The following NIFK variants were observed in gnomAD, a reference collection of about 807,000 sequenced individuals.
NIFK encodes the protein nucleolar protein interacting with the FHA domain of MKI67.
A neutral mutation model predicts 31.7 loss-of-function variants in NIFK; 16 were observed. That is an observed-to-expected ratio of 0.50 (90% confidence interval 0.34 to 0.77). NIFK has a LOEUF of 0.77. NIFK is among the 30% of genes least tolerant of loss of function. The pLI is 0.01. For missense variants in NIFK, 341 were observed against 350.4 expected (o/e 0.97, Z 0.21); for synonymous variants, 126 against 123.0 (o/e 1.02, Z -0.16).
Position 121,731,031 on chromosome 2 carries a change from T to C in NIFK, c.426A>G (p.Ser142=), listed in dbSNP as rs188620840. ...KDWNIPFKQP[S]YPSVKRYNRN... ...GATTATACCGTTTCACTGATGGATATGATGGCTGCTTAAATGGAATATTCC... is the reference window on the plus strand; with the variant it reads ...GATTATACCGTTTCACTGATGGATACGATGGCTGCTTAAATGGAATATTCC... The change falls in exon 4 of 7, where the codon TCA becomes TCG. Residue 142 remains serine, a synonymous_variant. Coordinates refer to ENST00000285814, the MANE Select transcript of NIFK (RefSeq NM_032390.5). 7 of 1,613,324 alleles carry C rather than the reference T, an allele frequency of 4.3e-6. No homozygotes were observed. Among genetic ancestry groups the C allele is most frequent in the Non-Finnish European group, 5.9e-6 (7 of 1,179,286 alleles).
At position 121,727,832 on chromosome 2, in the gene NIFK, A is replaced by G. The variant is rs2074502581; in HGVS notation, c.774T>C (p.Asp258=). ...TGGGCTGTTTGAAAACTATTTCATC[A>G]TCTTTATCATCATCATTCAGTTCAG... The part of the protein sequence containing the change: ...QVAELNDDDK[D]DEIVFKQPIS... Residue 258 remains aspartate (D), a synonymous_variant, in exon 7 of 7, where the codon GAT becomes GAC. Coordinates refer to ENST00000285814, the MANE Select transcript of NIFK (RefSeq NM_032390.5). The G allele has an allele frequency of 6.2e-7, 1 of 1,612,798 alleles. No homozygotes were observed. Among genetic ancestry groups the G allele is most frequent in the East Asian group, 2.2e-5 (1 of 44,834 alleles).
In NIFK at chr2:121,731,073, T is replaced by C. The variant is rs769802046; in HGVS notation, c.384A>G (p.Lys128=). Residue 128 remains lysine, a synonymous_variant, in exon 4 of 7, where the codon AAA becomes AAG. Transcript: ENST00000285814. The part of the protein sequence containing the change: ...CHFMPPEKVH[K]ELFKDWNIPF... ...GAATATTCCAGTCTTTAAAGAGTTC[T>C]TTATGTACTTTTTCAGGTGGCATAA... 19 of 1,588,798 alleles carry C rather than the reference T, an allele frequency of 1.2e-5. No homozygotes were observed. The Admixed American group carries it at 2.8e-4, about 23-fold the overall frequency.
intron 6 of NIFK, 73 bp downstream of exon 6, chr2:121,728,215 A>G (rs538205854): frequency 9.6e-6 from 9 of 941,494 alleles, no homozygotes; most frequent in Admixed American, 2.5e-5. Flanking sequence ...AAATGAGAGT[A>G]GCAGAAACTG....
At chr2:121,728,597 T>A in intron 4 of NIFK, 61 bp from the exon 5 acceptor site, 1 of 904,566 alleles carries the variant, frequency 1.1e-6, no homozygotes, top group South Asian at 1.5e-5. Context: ...TAGCATTAGA[T>A]CCTCATATAT....
chr2:121,734,278 A>G (rs1031302334), intron 2 of NIFK, among the ~76,000 whole-genome samples: 2 of 152,094 alleles, frequency 1.3e-5, no homozygotes, highest in South Asian at 2.1e-4. Context: ...CTAATGTTCA[A>G]TAGGAGGGTG....
chr2:121,732,243 A>C (rs2074546764), intron 2 of NIFK, 39 bp from the exon 3 acceptor site: 1 of 1,177,646 alleles, frequency 8.5e-7, no homozygotes, highest in African/African-American at 1.5e-5. Flanking sequence ...AGAACAATTA[A>C]ATTTGAATGC....
Position 121,728,362 on chromosome 2 carries a change from A to G in NIFK, c.625-6T>C. The G allele has an allele frequency of 6.3e-7, 1 of 1,582,186 alleles. No individual in the cohort carries two copies. ...TTCTTCTTCTTACGTAAAACCTTAA[A>G]ATAAATTTTAAAACACATCAATTTG... On this transcript the variant is annotated splice_polypyrimidine_tract_variant and splice_region_variant and intron_variant, in intron 5 of 6. Transcript: ENST00000285814.
chr2:121,730,563 G>A (rs2074530940), intron 4 of NIFK: 1 of 226,324 alleles, frequency 4.4e-6, no homozygotes, highest in East Asian at 1.2e-4. Context: ...TCAAAAAACT[G>A]GCTGGGCACG....
chr2:121,735,876 T>C, intron 1 of NIFK, 126 bp from the exon 2 acceptor site: 1 of 742,942 alleles, frequency 1.3e-6, no homozygotes. Flanking sequence ...ATTAAAGAAC[T>C]GGCTGTTTAG....
At chr2:121,731,360 A>G (rs1263308936) in intron 3 of NIFK, among the ~76,000 whole-genome samples, 1 of 152,118 alleles carries the variant, frequency 6.6e-6, no homozygotes, top group Non-Finnish European at 1.5e-5. Flanking sequence ...TTGCCTCCCA[A>G]GGGCAGCAGG....
At chr2:121,727,979 A>G in intron 6 of NIFK, 67 bp from the exon 7 acceptor site, 1 of 1,371,882 alleles carries the variant, frequency 7.3e-7, no homozygotes, top group Non-Finnish European at 9.9e-7. Flanking sequence ...ACCCAAAAAT[A>G]TCATCTCTCC....
At chr2:121,736,641 G>A (rs751471724) in intron 1 of NIFK, 105 bp downstream of exon 1, 1 of 924,764 alleles carries the variant, frequency 1.1e-6, no homozygotes, top group Non-Finnish European at 1.8e-6. Context: ...ATGAAGGCGA[G>A]CACGAAGGCA....
rs201317100 is a variant in NIFK at position 121,730,940 on chromosome 2, T to C, written c.517A>G (p.Arg173Gly). ...ATTCCTTTTTTAGCTAATTTCTTCC[T>C]GAGTAATCTTTCTTTCTTTTTAAAT... The part of the protein sequence containing the change: ...ERFKKKERLL[R>G]KKLAKKGIDY... The change falls in exon 4 of 7, where the codon AGG becomes GGG. Residue 173 changes from arginine to glycine, a missense_variant. By Grantham distance (125) the Arg-to-Gly change is moderately radical (BLOSUM62 -2). Transcript: ENST00000285814. The C allele has an allele frequency of 1.6e-5, 26 of 1,613,104 alleles. No individual in the cohort carries two copies. The highest frequency in any genetic ancestry group is 4.0e-5 in the African/African-American group (3 of 75,034).
rs1054743461 is a variant in NIFK, at chr2:121,727,772, T to C, written c.834A>G (p.Gln278=). 4.4e-6 allele frequency: 7 copies of C among 1,607,086 alleles called. No individual in the cohort carries two copies. Among genetic ancestry groups the C allele is most frequent in the Non-Finnish European group, 5.9e-6 (7 of 1,178,608 alleles). Residue 278 remains glutamine (Q), a synonymous_variant, in exon 7 of 7, where the codon CAA becomes CAG. Transcript: ENST00000285814. ...TTTTTTTCCGTGAATGTGTAGGTGT[T>C]TGAGTCTCTTGTATTTCTTCTTTTA... The part of the protein sequence containing the change: ...SCVKEEIQET[Q]TPTHSRKKRR...
At chr2:121,728,993 G>C (rs948735033) in intron 4 of NIFK, among the ~76,000 whole-genome samples, 2 of 149,022 alleles carry the variant, frequency 1.3e-5, no homozygotes, top group Admixed American at 6.7e-5. Flanking sequence ...TTTGGGATTT[G>C]GGCAAAAAAT....
At chr2:121,732,505 G>A (rs2074548869) in intron 2 of NIFK, among the ~76,000 whole-genome samples, 1 of 152,130 alleles carries the variant, frequency 6.6e-6, no homozygotes, top group Non-Finnish European at 1.5e-5. Flanking sequence ...TATTAAAAAA[G>A]TCTTCAACTT....
At position 121,727,496 on chromosome 2, in the gene NIFK, G is replaced by A. The variant is rs1361794656; in HGVS notation, c.*228C>T. The A allele has an allele frequency of 2.9e-6, 2 of 683,844 alleles. No homozygotes were observed. The highest frequency in any genetic ancestry group is 3.0e-5 in the South Asian group (2 of 66,476). 42.4% of individuals were successfully genotyped at this position (683,844 alleles called of 1,614,324 possible). A position where few individuals can be genotyped will look rare whatever the true frequency, so the allele number is the denominator to read the frequency against. ...ATATCAAAAGAAAACTAGAGGCCAG[G>A]ACAAAGAGGCAATGTCAGCCAAGCC... is the stretch of plus-strand genomic sequence containing the variant. On this transcript the variant is annotated 3_prime_UTR_variant, in exon 7 of 7. Transcript: ENST00000285814.
At chr2:121,728,209 GA>G in intron 6 of NIFK, 78 bp downstream of exon 6, 1 of 896,434 alleles carries the variant, frequency 1.1e-6, no homozygotes, top group Non-Finnish European at 1.7e-6. Context: ...ATCTTAAAAT[GA>G]GAGTAGCAGA....
chr2:121,731,165 T>C lies in NIFK; in HGVS notation c.353-61A>G, dbSNP rs1226176465. 8.5e-6 allele frequency: 8 copies of C among 937,494 alleles called. No homozygotes were observed. In the Admixed American group the frequency reaches 2.0e-4, roughly 23 times the overall value. 58.1% of individuals were successfully genotyped at this position (937,494 alleles called of 1,614,324 possible). On this transcript the variant is annotated intron_variant, in intron 3 of 6. Transcript: ENST00000285814. Reference sequence around the variant, plus strand: ...AATGTTAACTTTAGAATCTCCGCAGTGCCATTCCTCACACAACAAAATGAT... The same window carrying C: ...AATGTTAACTTTAGAATCTCCGCAGCGCCATTCCTCACACAACAAAATGAT...
Sources: allele counts gnomAD v4.1 joint callset (sites outside exome capture counted in the v4.1 genomes callset), GRCh38; gene constraint gnomAD v4.1.1; transcripts MANE v1.5; gene names NCBI Gene and HGNC (gene_info 2026-07-23, HGNC 2026-07-21).